Variants in ATP2B2 observed in about 807,000 individuals in gnomAD.
ATP2B2 encodes ATPase plasma membrane Ca2+ transporting 2.
In ATP2B2, 15 loss-of-function variants were observed where a neutral mutation model predicts 120.0. The observed-to-expected ratio is 0.12, with a 90% CI of 0.08 to 0.19. ATP2B2 has a LOEUF of 0.19. Ranked by LOEUF, ATP2B2 falls within the 10% of genes least tolerant of loss-of-function variation. The probability of loss-of-function intolerance (pLI) is 1.00; values close to 1 mark genes in which losing one functional copy is unlikely to be tolerated. For synonymous variants in ATP2B2, 694 were observed against 700.3 expected, an observed-to-expected ratio of 0.99 and a Z score of 0.14; for missense variants, 1,045 against 1,719.8, an observed-to-expected ratio of 0.61 and a Z score of 6.94.
intron 5 of ATP2B2, among the ~76,000 whole-genome samples, chr3:10,396,198 C>T (rs71314400): frequency 0.18 from 28,005 of 152,280 alleles, 3,162 homozygotes; most frequent in East Asian, 0.42. Context: ...TCCTTCCACA[C>T]CATACAGCAC....
At chr3:10,415,279 A>C (rs2062742598) in intron 2 of ATP2B2, among the ~76,000 whole-genome samples, 1 of 152,148 alleles carries the variant, frequency 6.6e-6, no homozygotes, top group Non-Finnish European at 1.5e-5. Flanking sequence ...CACCGGGTAG[A>C]TGTACTGTGT....
chr3:10,377,215 G>T (rs561652375), intron 10 of ATP2B2, among the ~76,000 whole-genome samples: 2 of 152,252 alleles, frequency 1.3e-5, no homozygotes, highest in African/African-American at 2.4e-5. Flanking sequence ...CTGTGGCGGT[G>T]GCGATGGCGG....
rs1386868283 is a variant in ATP2B2, at chr3:10,472,077, T to C, written c.-319-22215A>G. 3.6e-5 allele frequency among the ~76,000 whole-genome samples: 3 copies of C among 83,008 alleles called. No homozygotes were observed. The South Asian group carries it at 2.1e-3, about 58-fold the overall frequency. 54.5% of individuals were successfully genotyped at this position (83,008 alleles called of 152,430 possible). Reference sequence around the variant, plus strand: ...GCCTGGGCCACAGAGCGAGACTCCGTCTCAAAAAAAAAAAAAAAAAAAAAG... The same window carrying C: ...GCCTGGGCCACAGAGCGAGACTCCGCCTCAAAAAAAAAAAAAAAAAAAAAG... On this transcript the variant is annotated intron_variant, in intron 1 of 22. Transcript: ENST00000360273.
At chr3:10,496,306 C>T (rs1313761362) in intron 1 of ATP2B2, among the ~76,000 whole-genome samples, 8 of 152,204 alleles carry the variant, frequency 5.3e-5, no homozygotes, top group Non-Finnish European at 8.8e-5. Flanking sequence ...TTCCACACCC[C>T]AGCTGCTGGG....
intron 1 of ATP2B2, among the ~76,000 whole-genome samples, chr3:10,495,521 C>G (rs2066111141): frequency 6.6e-6 from 1 of 152,238 alleles, no homozygotes; most frequent in Admixed American, 6.5e-5. Context: ...TAAACGAGAG[C>G]TGTCTTGGTT....
rs148823952 is a variant in ATP2B2 at position 10,408,405 on chromosome 3, C to T, written c.397+2213G>A. On this transcript the variant is annotated intron_variant, in intron 3 of 22. Coordinates refer to ENST00000360273, the MANE Select transcript of ATP2B2 (RefSeq NM_001001331.4). ...TGGAGCCCCAGCCTGACTTGGGGCA[C>T]AGGAGCCCTGGAAACATGGAAGGCC... Among the ~76,000 whole-genome samples the T allele has an allele frequency of 2.7e-3, 406 of 152,272 alleles. 1 individual carries two copies. The highest frequency in any genetic ancestry group is 8.4e-3 in the African/African-American group (349 of 41,550).
chr3:10,550,813 G>A (rs990376125), intron 2 of ATP2B2, among the ~76,000 whole-genome samples: 1 of 152,222 alleles, frequency 6.6e-6, no homozygotes, highest in Non-Finnish European at 1.5e-5. Context: ...TGAGGTCATG[G>A]TGAAGGCGAA....
At chr3:10,366,248 C>T (rs912465017) in intron 12 of ATP2B2, among the ~76,000 whole-genome samples, 4 of 152,180 alleles carry the variant, frequency 2.6e-5, no homozygotes, top group African/African-American at 4.8e-5. Flanking sequence ...TCCCCCCTTC[C>T]CCTTTCTCCT....
chr3:10,344,103 C>A (rs1042008182), intron 18 of ATP2B2, among the ~76,000 whole-genome samples: 4 of 152,116 alleles, frequency 2.6e-5, no homozygotes, highest in African/African-American at 9.7e-5. Context: ...CAGCCTCGCT[C>A]CCCTTGCCCC....
At chr3:10,438,350 C>T (rs1473079453) in intron 2 of ATP2B2, among the ~76,000 whole-genome samples, 1 of 152,218 alleles carries the variant, frequency 6.6e-6, no homozygotes, top group East Asian at 1.9e-4. Flanking sequence ...CAAGGGCTCA[C>T]CCAACAGCCT....
intron 1 of ATP2B2, among the ~76,000 whole-genome samples, chr3:10,651,558 C>T (rs2070463220): frequency 1.3e-5 from 2 of 152,144 alleles, no homozygotes; most frequent in South Asian, 2.1e-4. Flanking sequence ...TTGTAAATTG[C>T]CCAGTCTTGG....
At chr3:10,493,766 G>T (rs1417232952) in intron 1 of ATP2B2, among the ~76,000 whole-genome samples, 1 of 152,076 alleles carries the variant, frequency 6.6e-6, no homozygotes, top group East Asian at 1.9e-4. Context: ...AAACACACTG[G>T]CTGGAGATCA....
rs1575498402 is a variant in ATP2B2 at position 10,561,615 on chromosome 3, G to A, written c.-414-27482C>T. Among the ~76,000 whole-genome samples, 3 of 152,334 alleles carry A rather than the reference G, an allele frequency of 2.0e-5. 1 individual carries two copies. Among genetic ancestry groups the A allele is most frequent in the African/African-American group, 7.2e-5 (3 of 41,572 alleles). On this transcript the variant is annotated intron_variant, in intron 2 of 21. Transcript: ENST00000646379. ...CTCCCATAATTCCCATGTGTTGTGG[G>A]AGGGACCTAGTGGGAGATAACTGAA...
intron 3 of ATP2B2, among the ~76,000 whole-genome samples, chr3:10,523,057 A>G (rs1315021439): frequency 6.6e-6 from 1 of 152,264 alleles, no homozygotes; most frequent in Admixed American, 6.5e-5. Flanking sequence ...GAGGGTAAAG[A>G]GAGGCCAAGA....
intron 2 of ATP2B2, among the ~76,000 whole-genome samples, chr3:10,599,235 G>T (rs1269407077): frequency 6.6e-6 from 1 of 152,234 alleles, no homozygotes; most frequent in Non-Finnish European, 1.5e-5. Context: ...TGGAGGCTGG[G>T]TGTGGGTTTG....
chr3:10,618,532 T>C (rs1361456125), intron 2 of ATP2B2, among the ~76,000 whole-genome samples: 2 of 152,214 alleles, frequency 1.3e-5, no homozygotes, highest in African/African-American at 2.4e-5. Flanking sequence ...AAAATTATCA[T>C]GCTTTGGGTC....
At chr3:10,525,779 T>C (rs545316262) in intron 3 of ATP2B2, among the ~76,000 whole-genome samples, 10 of 152,290 alleles carry the variant, frequency 6.6e-5, no homozygotes, top group African/African-American at 2.4e-4. Flanking sequence ...AAGTGGTACA[T>C]TTAAAATTAG....
chr3:10,362,625 G>A (rs998952408), intron 12 of ATP2B2, among the ~76,000 whole-genome samples: 6 of 152,146 alleles, frequency 3.9e-5, no homozygotes, highest in African/African-American at 1.4e-4. Flanking sequence ...TGGATGGTAC[G>A]GGGGCCGTGG....
At chr3:10,371,186 T>C (rs1046853043) in intron 12 of ATP2B2, among the ~76,000 whole-genome samples, 1 of 152,252 alleles carries the variant, frequency 6.6e-6, no homozygotes, top group African/African-American at 2.4e-5. Context: ...AGTGATAACG[T>C]GGCGGTTCAG....
Sources: allele counts gnomAD v4.1 joint callset (sites outside exome capture counted in the v4.1 genomes callset), GRCh38; gene constraint gnomAD v4.1.1; transcripts MANE v1.5; gene names NCBI Gene and HGNC (gene_info 2026-07-23, HGNC 2026-07-21).